The following LCN1 variants were observed in gnomAD, a reference collection of about 807,000 sequenced individuals.
LCN1 encodes the protein lipocalin-1.
A neutral mutation model predicts 22.3 loss-of-function variants in LCN1; 25 were observed. The ratio of observed to expected loss-of-function variants is 1.12; its 90% CI spans 0.82 to 1.56. The LOEUF (loss-of-function observed/expected upper bound fraction) is 1.56, where lower values mean the gene tolerates loss of function less well. Among genes scored for constraint, LCN1 ranks in the 40% most tolerant of loss-of-function variants. The pLI, the probability that LCN1 is intolerant of heterozygous loss-of-function variation, is 0.00. For missense variants in LCN1, 219 were observed against 235.6 expected (o/e 0.93, Z 0.46); for synonymous variants, 85 against 97.6 (o/e 0.87, Z 0.76).
chr9:135,525,203 G>C, intron 6 of LCN1, 45 bp downstream of exon 6: 1 of 1,594,872 alleles, frequency 6.3e-7, no homozygotes, highest in African/African-American at 1.3e-5. Flanking sequence ...TCCAGTTCTG[G>C]GGCTCAGTGG....
At position 135,523,959 on chromosome 9, in the gene LCN1, C is replaced by T. The variant is rs545463441; in HGVS notation, c.372C>T (p.His124=). The T allele has an allele frequency of 9.9e-6, 16 of 1,614,030 alleles. No homozygotes were observed. The highest frequency in any genetic ancestry group is 1.7e-4 in the Middle Eastern group (1 of 6,058). The change falls in exon 4 of 7, where the codon CAC becomes CAT. Residue 124 remains histidine, a synonymous_variant. Coordinates refer to ENST00000371781, the MANE Select transcript of LCN1 (RefSeq NM_002297.4). ...HYIFYCEGEL[H]GKPVRGVKLV... is the part of the protein sequence containing the mutation. The stretch of plus-strand genomic sequence containing the variant: ...TCTTTTACTGTGAGGGCGAGCTGCA[C>T]GGGAAGCCGGTCCGAGGGGTGAAGC...
At chr9:135,523,818 C>T in intron 3 of LCN1, 62 bp from the exon 4 acceptor site, 2 of 1,422,928 alleles carry the variant, frequency 1.4e-6, no homozygotes, top group Middle Eastern at 3.5e-4. Context: ...CGCACGCTGT[C>T]CCGGGATCCT....
intron 4 of LCN1, among the ~76,000 whole-genome samples, chr9:135,524,265 G>A (rs1346696687): frequency 6.6e-6 from 1 of 152,226 alleles, no homozygotes; most frequent in Non-Finnish European, 1.5e-5. Flanking sequence ...GAGTGGGCCA[G>A]GCCCTCCCCC....
intron 5 of LCN1, 47 bp downstream of exon 5, chr9:135,524,978 C>T (rs752784473): frequency 8.3e-6 from 13 of 1,571,522 alleles, no homozygotes; most frequent in Non-Finnish European, 1.1e-5. Flanking sequence ...CGCGTGGGGA[C>T]ATCAGCAGAG....
chr9:135,524,711 AT>A, intron 4 of LCN1, 118 bp from the exon 5 acceptor site: 1 of 755,972 alleles, frequency 1.3e-6, no homozygotes, highest in East Asian at 2.7e-5. Flanking sequence ...TCTGGGTTCA[AT>A]TCCCCCCACG....
At chr9:135,525,760 G>A (rs1039047274) in intron 6 of LCN1, among the ~76,000 whole-genome samples, 39 of 151,962 alleles carry the variant, frequency 2.6e-4, no homozygotes, top group African/African-American at 9.4e-4. Flanking sequence ...CTGCGGGGGT[G>A]GTCCCTGCTC....
chr9:135,524,307 G>A (rs751972116), intron 4 of LCN1, among the ~76,000 whole-genome samples: 2 of 152,188 alleles, frequency 1.3e-5, no homozygotes, highest in African/African-American at 2.4e-5. Context: ...ATCCTTGAGC[G>A]CGTTCCTGTG....
intron 2 of LCN1, 108 bp downstream of exon 2, chr9:135,522,285 G>C: frequency 1.4e-6 from 2 of 1,432,544 alleles, no homozygotes; most frequent in African/African-American, 1.4e-5. Context: ...CTGCTGGGAG[G>C]CCTCTCTCGG....
intron 6 of LCN1, 82 bp from the exon 7 acceptor site, chr9:135,526,262 C>G (rs1831647680): frequency 4.4e-6 from 2 of 453,226 alleles, no homozygotes; most frequent in Non-Finnish European, 7.1e-6. Flanking sequence ...CTGCAGCACC[C>G]AAGAGCCCAC....
At chr9:135,524,711 A>G (rs1831585099) in intron 4 of LCN1, 119 bp from the exon 5 acceptor site, 2 of 755,972 alleles carry the variant, frequency 2.6e-6, no homozygotes, top group Non-Finnish European at 4.3e-6. Flanking sequence ...TCTGGGTTCA[A>G]TTCCCCCCAC....
intron 3 of LCN1, among the ~76,000 whole-genome samples, chr9:135,523,585 G>T (rs1831553083): frequency 1.3e-5 from 2 of 152,208 alleles, no homozygotes; most frequent in South Asian, 4.1e-4. Flanking sequence ...AGTCGTATTT[G>T]GCTGCGGGGG....
chr9:135,522,625 C>G (rs1831528374), intron 2 of LCN1, among the ~76,000 whole-genome samples: 1 of 152,200 alleles, frequency 6.6e-6, no homozygotes, highest in South Asian at 2.1e-4. Flanking sequence ...TAGCGCTCAC[C>G]TGTGCGGCTC....
Position 135,523,893 on chromosome 9 carries a change from C to T in LCN1, c.306C>T (p.His102=), listed in dbSNP as rs373239623. Residue 102 remains histidine (H), a synonymous_variant, in exon 4 of 7, where the codon CAC becomes CAT. Coordinates refer to ENST00000371781, the MANE Select transcript of LCN1 (RefSeq NM_002297.4). ...PGKYTADGGK[H]VAYIIRSHVK... ...GTCTTTCTGCAGACGGGGGCAAGCA[C>T]GTGGCATACATCATCAGGTCGCACG... 6.5e-5 allele frequency: 105 copies of T among 1,614,018 alleles called. No homozygotes were observed. In the African/African-American group the frequency reaches 7.3e-4, roughly 11 times the overall value.
At chr9:135,523,789 G>T in intron 3 of LCN1, 91 bp from the exon 4 acceptor site, 1 of 1,059,818 alleles carries the variant, frequency 9.4e-7, no homozygotes, top group Non-Finnish European at 1.4e-6. Context: ...GGAGCTGCGG[G>T]GCTTGCTGGG....
chr9:135,523,510 C>T (rs1831551204), intron 3 of LCN1, among the ~76,000 whole-genome samples: 1 of 152,212 alleles, frequency 6.6e-6, no homozygotes, highest in South Asian at 2.1e-4. Flanking sequence ...GCAGGTTTGT[C>T]CCGGGGCGGA....
intron 5 of LCN1, 58 bp from the exon 6 acceptor site, chr9:135,525,073 GC>G (rs3216169): frequency 0.18 from 281,589 of 1,596,258 alleles, 26,259 homozygotes; most frequent in East Asian, 0.22. Flanking sequence ...CTGATGAGGG[GC>G]CCCGGTCCTG....
intron 3 of LCN1, 69 bp downstream of exon 3, chr9:135,523,371 CT>C: frequency 2.7e-6 from 4 of 1,461,134 alleles, no homozygotes; most frequent in East Asian, 2.4e-5. Context: ...CAGCCAGTGC[CT>C]TTTTGGGGTG....
chr9:135,524,910 A>T lies in LCN1; in HGVS notation c.484A>T (p.Ile162Phe). ...AGARGLSTES[I>F]LIPRQSETCS... is the part of the protein sequence containing the mutation. Reference sequence around the variant, plus strand: ...AGCCCGCGGACTCAGCACGGAGAGCATCCTCATCCCCAGGCAGAGCGGTAG... The same window carrying T: ...AGCCCGCGGACTCAGCACGGAGAGCTTCCTCATCCCCAGGCAGAGCGGTAG... The change falls in exon 5 of 7, where the codon ATC (isoleucine) becomes TTC (phenylalanine). Residue 162 changes from isoleucine to phenylalanine, a missense_variant. Coordinates refer to ENST00000371781, the MANE Select transcript of LCN1 (RefSeq NM_002297.4). 6.2e-7 allele frequency: 1 copy of T among 1,607,346 alleles called. No homozygotes were observed. Among genetic ancestry groups the T allele is most frequent in the Admixed American group, 1.7e-5 (1 of 59,208 alleles).
chr9:135,522,201 G>C lies in LCN1; in HGVS notation c.221+24G>C, dbSNP rs201258758. The C allele has an allele frequency of 4.6e-4, 741 of 1,601,908 alleles. 8 individuals are homozygous for C. The African/African-American group carries it at 7.0e-3, about 15-fold the overall frequency. ...CTGTGAGTGTCTGCCAGCCGGCCGGGCAGCCTGCAACCTGGTCTAGGGCCT... is the reference window on the plus strand; with the variant it reads ...CTGTGAGTGTCTGCCAGCCGGCCGGCCAGCCTGCAACCTGGTCTAGGGCCT... On this transcript the variant is annotated intron_variant, in intron 2 of 6. Coordinates refer to ENST00000371781, the MANE Select transcript of LCN1 (RefSeq NM_002297.4).
Sources: allele counts gnomAD v4.1 joint callset (sites outside exome capture counted in the v4.1 genomes callset), GRCh38; gene constraint gnomAD v4.1.1; transcripts MANE v1.5; gene names NCBI Gene and HGNC (gene_info 2026-07-23, HGNC 2026-07-21).